The following SPATA6L variants were observed in gnomAD, a reference collection of about 807,000 sequenced individuals.
SPATA6L encodes the protein spermatogenesis associated 6 like.
In SPATA6L, 68 loss-of-function variants were observed where a neutral mutation model predicts 49.2. The observed-to-expected ratio is 1.38, with a 90% CI of 1.14 to 1.69. SPATA6L has a LOEUF of 1.69. Among genes scored for constraint, SPATA6L ranks in the 40% most tolerant of loss-of-function variants. The pLI, the probability that SPATA6L is intolerant of heterozygous loss-of-function variation, is 0.00. For missense variants in SPATA6L, 668 were observed against 464.3 expected, an observed-to-expected ratio of 1.44 and a Z score of -4.03; for synonymous variants, 198 against 165.7, an observed-to-expected ratio of 1.19 and a Z score of -1.50.
At chr9:4,632,533 T>C (rs1587250190) in intron 4 of SPATA6L, among the ~76,000 whole-genome samples, 1 of 151,308 alleles carries the variant, frequency 6.6e-6, no homozygotes, top group Admixed American at 6.6e-5. Flanking sequence ...GAGGCAGAGG[T>C]TGCAGTGAGC....
At position 4,662,315 on chromosome 9, in the gene SPATA6L, G is replaced by A; in HGVS notation, c.40-279C>T. 1 of 1,441,804 alleles carries A rather than the reference G, an allele frequency of 6.9e-7. No homozygotes were observed. Among genetic ancestry groups the A allele is most frequent in the South Asian group, 1.5e-5 (1 of 68,764 alleles). The allele number at this position is 1,441,804 out of a possible 1,614,324, so 89.3% of individuals were successfully genotyped here. A position where few individuals can be genotyped will look rare whatever the true frequency, so the allele number is the denominator to read the frequency against. ...TGGTAGTGCGGAAGCGGAAGAGGCTGCAGGGCCGGGAAGCCTCTGTTTGGT... is the reference window on the plus strand; with the variant it reads ...TGGTAGTGCGGAAGCGGAAGAGGCTACAGGGCCGGGAAGCCTCTGTTTGGT... On this transcript the variant is annotated intron_variant, in intron 1 of 11. Coordinates refer to ENST00000682582, the MANE Select transcript of SPATA6L (RefSeq NM_001353486.2). This position sits in a 1 kb window ranked among gnomAD's most constrained non-coding sequence, Gnocchi z 4.9.
At chr9:4,613,678 T>C (rs1209922458) in intron 9 of SPATA6L, among the ~76,000 whole-genome samples, 3 of 152,152 alleles carry the variant, frequency 2.0e-5, no homozygotes, top group South Asian at 2.1e-4. Context: ...CTGCCTCCTA[T>C]GTTCAAGCAA....
Position 4,625,317 on chromosome 9 carries a change from T to A in SPATA6L, c.669+10A>T, listed in dbSNP as rs1472352938. On this transcript the variant is annotated intron_variant, in intron 6 of 11. Transcript: ENST00000682582. ...TTGCAAAATGCTCTAAAAAATAATTTTAGGCTCACGTGTCTAACAACAAAT... is the reference window on the plus strand; with the variant it reads ...TTGCAAAATGCTCTAAAAAATAATTATAGGCTCACGTGTCTAACAACAAAT... The A allele has an allele frequency of 1.9e-6, 3 of 1,607,070 alleles. No homozygotes were observed. The highest frequency in any genetic ancestry group is 2.5e-6 in the Non-Finnish European group (3 of 1,177,002).
chr9:4,648,570 G>A (rs1365655990), intron 3 of SPATA6L, among the ~76,000 whole-genome samples: 1 of 151,772 alleles, frequency 6.6e-6, no homozygotes, highest in East Asian at 1.9e-4. Context: ...CGTGGTGGCG[G>A]GAGCCTGTGG....
chr9:4,656,877 G>A (rs1457996190), intron 2 of SPATA6L, among the ~76,000 whole-genome samples: 2 of 152,068 alleles, frequency 1.3e-5, no homozygotes, highest in African/African-American at 2.4e-5. Context: ...TGCTAAAAAG[G>A]AACATAAAAA....
chr9:4,659,376 C>G (rs1019788728), intron 2 of SPATA6L, among the ~76,000 whole-genome samples: 1 of 151,856 alleles, frequency 6.6e-6, no homozygotes. Context: ...TTCCTATACA[C>G]CAATAACAGA....
intron 3 of SPATA6L, among the ~76,000 whole-genome samples, chr9:4,648,657 G>C (rs913252769): frequency 1.3e-4 from 19 of 150,326 alleles, no homozygotes; most frequent in Non-Finnish European, 2.7e-4. Context: ...CCGAGATTGC[G>C]CCACTGCACT....
chr9:4,632,005 T>C (rs1831667656), intron 4 of SPATA6L, among the ~76,000 whole-genome samples: 1 of 150,834 alleles, frequency 6.6e-6, no homozygotes, highest in Non-Finnish European at 1.5e-5. Flanking sequence ...GTGCCTGGTA[T>C]ACAGTGAGCA....
At chr9:4,635,449 C>T (rs573848402) in intron 3 of SPATA6L, 50 bp from the exon 4 acceptor site, 1 of 1,532,574 alleles carries the variant, frequency 6.5e-7, no homozygotes, top group Middle Eastern at 1.8e-4. Context: ...CACCTCCAGG[C>T]TTAACAAAAT....
At chr9:4,618,712 A>G (rs1828581406) in intron 8 of SPATA6L, 152 bp downstream of exon 8, 6 of 722,238 alleles carry the variant, frequency 8.3e-6, no homozygotes, top group Non-Finnish European at 1.4e-5. Context: ...TATAACATGG[A>G]GTCTGGGCAC....
At chr9:4,621,391 T>C (rs1829258583) in intron 7 of SPATA6L, among the ~76,000 whole-genome samples, 1 of 152,228 alleles carries the variant, frequency 6.6e-6, no homozygotes, top group African/African-American at 2.4e-5. Flanking sequence ...GATTTGACTG[T>C]TTCATTCCCA....
chr9:4,648,791 T>A (rs1481535314), intron 3 of SPATA6L, among the ~76,000 whole-genome samples: 1 of 152,182 alleles, frequency 6.6e-6, no homozygotes, highest in Non-Finnish European at 1.5e-5. Context: ...CAGTACACAC[T>A]GCACCCTATT....
intron 4 of SPATA6L, among the ~76,000 whole-genome samples, chr9:4,631,924 G>A (rs1296256120): frequency 1.3e-5 from 2 of 151,876 alleles, no homozygotes; most frequent in African/African-American, 2.4e-5. Flanking sequence ...TTAAAGTGGG[G>A]AAAGAATAGC....
chr9:4,638,553 T>C (rs1422789288), intron 3 of SPATA6L, among the ~76,000 whole-genome samples: 1 of 152,084 alleles, frequency 6.6e-6, no homozygotes, highest in African/African-American at 2.4e-5. Flanking sequence ...CTTCATTTAC[T>C]AGTCTCATCC....
At position 4,625,389 on chromosome 9, in the gene SPATA6L, A is replaced by C; in HGVS notation, c.607T>G (p.Leu203Val). The C allele has an allele frequency of 1.9e-6, 3 of 1,614,142 alleles. No homozygotes were observed. The highest frequency in any genetic ancestry group is 2.2e-5 in the East Asian group (1 of 44,884). Residue 203 changes from leucine (L) to valine (V), a missense_variant, in exon 6 of 12, where the codon TTG becomes GTG. Leu to Val is a conservative substitution (Grantham distance 32, BLOSUM62 1). Transcript: ENST00000682582. ...ATTTTGAAATTATTTCCAAGGTTCA[A>C]CTGAGCTGGCTGGTCCTGGAAGAAA... ...RHFFQDQPAQ[L>V]NLGNNFKISG...
intron 9 of SPATA6L, among the ~76,000 whole-genome samples, chr9:4,612,124 A>T (rs1051988747): frequency 2.6e-5 from 4 of 151,784 alleles, no homozygotes; most frequent in African/African-American, 9.7e-5. Flanking sequence ...ACAGGTATGC[A>T]CCACCATGCA....
Position 4,625,646 on chromosome 9 carries a change from A to G in SPATA6L, c.430-80T>C, listed in dbSNP as rs902896611. 1.1e-5 allele frequency: 11 copies of G among 1,032,876 alleles called. No homozygotes were observed. In the African/African-American group the frequency reaches 1.7e-4, roughly 16 times the overall value. 64.0% of individuals were successfully genotyped at this position (1,032,876 alleles called of 1,614,324 possible). A position where few individuals can be genotyped will look rare whatever the true frequency, so the allele number is the denominator to read the frequency against. On this transcript the variant is annotated intron_variant, in intron 5 of 11. Coordinates refer to ENST00000682582, the MANE Select transcript of SPATA6L (RefSeq NM_001353486.2). Reference sequence around the variant, plus strand: ...TTCAATCAGAATATAACTGTATTTAATTGAATTTTTAAAAATTAAGGTCAA... The same window carrying G: ...TTCAATCAGAATATAACTGTATTTAGTTGAATTTTTAAAAATTAAGGTCAA...
intron 3 of SPATA6L, among the ~76,000 whole-genome samples, chr9:4,639,021 T>C (rs1004792543): frequency 3.3e-5 from 5 of 152,134 alleles, no homozygotes; most frequent in African/African-American, 9.7e-5. Context: ...GGGCAAATCA[T>C]GTAAACTACT....
In SPATA6L at chr9:4,662,113, T is replaced by C. The variant is rs1839929777; in HGVS notation, c.40-77A>G. Reference sequence around the variant, plus strand: ...GTTTTGTTACACGGGGCTCTATTTCTCTTAAGCTCCTACAGACACTGACAT... The same window carrying C: ...GTTTTGTTACACGGGGCTCTATTTCCCTTAAGCTCCTACAGACACTGACAT... On this transcript the variant is annotated intron_variant, in intron 1 of 11. Transcript: ENST00000682582. The surrounding 1 kb of genome is among the most constrained non-coding windows in gnomAD (Gnocchi z 4.9). 13 of 1,557,548 alleles carry C rather than the reference T, an allele frequency of 8.3e-6. No individual in the cohort carries two copies. Among genetic ancestry groups the C allele is most frequent in the South Asian group, 3.6e-5 (3 of 83,670 alleles).
Sources: gnomAD v4.1 joint callset for allele counts (sites outside exome capture counted in the v4.1 genomes callset) on GRCh38, gnomAD v4.1.1 for gene constraint, Gnocchi (gnomAD v3.1) non-coding constraint, MANE v1.5 for transcripts, NCBI Gene and HGNC (gene_info 2026-07-23, HGNC 2026-07-21) for gene names.